Variants in VTI1A observed in about 807,000 individuals in gnomAD.
The protein encoded by VTI1A is vesicle transport through interaction with t-SNAREs homolog 1A.
In VTI1A, 22 loss-of-function variants were observed where a neutral mutation model predicts 34.9. The ratio of observed to expected loss-of-function variants is 0.63; its 90% confidence interval spans 0.45 to 0.90. VTI1A has a LOEUF of 0.90. Ranked by LOEUF, VTI1A falls within the 40% of genes least tolerant of loss-of-function variation. VTI1A has a pLI of 0.00. For missense variants in VTI1A, 268 were observed against 275.6 expected (o/e 0.97, Z 0.20); for synonymous variants, 87 against 97.3 (o/e 0.89, Z 0.62).
chr10:112,740,643 A>G (rs6585182), intron 7 of VTI1A, among the ~76,000 whole-genome samples: 22,970 of 152,238 alleles, frequency 0.15, 3,789 homozygotes, highest in African/African-American at 0.41. Context: ...CCCACCTACT[A>G]GAATGGCTAA....
At chr10:112,846,809 T>A in the VTI1A span, among the ~76,000 whole-genome samples, 1 of 150,762 alleles carries the variant, frequency 6.6e-6, no homozygotes, top group South Asian at 2.1e-4. Flanking sequence ...CCAGTGGAAC[T>A]AAGGAACTGG....
chr10:112,476,476 C>T (rs1259505396), intron 3 of VTI1A, among the ~76,000 whole-genome samples: 1 of 152,118 alleles, frequency 6.6e-6, no homozygotes, highest in Non-Finnish European at 1.5e-5. Flanking sequence ...AACGTACTTG[C>T]TAGTCACTCT....
the VTI1A span, among the ~76,000 whole-genome samples, chr10:112,842,907 A>AT: frequency 6.6e-6 from 1 of 152,160 alleles, no homozygotes; most frequent in South Asian, 2.1e-4. Flanking sequence ...AATACAGGGA[A>AT]TTGGATACTT....
At chr10:112,706,007 C>G (rs909957052) in intron 7 of VTI1A, among the ~76,000 whole-genome samples, 4 of 152,154 alleles carry the variant, frequency 2.6e-5, no homozygotes, top group Non-Finnish European at 5.9e-5. Flanking sequence ...ATTCATCAAT[C>G]TTCCATCTTT....
intron 7 of VTI1A, among the ~76,000 whole-genome samples, chr10:112,802,693 A>C (rs895729256): frequency 1.3e-5 from 2 of 152,246 alleles, no homozygotes; most frequent in Non-Finnish European, 2.9e-5. Context: ...CATGCTTTAC[A>C]GATGTTCAGA....
chr10:112,675,499 G>A (rs530165434), intron 7 of VTI1A, among the ~76,000 whole-genome samples: 6 of 152,142 alleles, frequency 3.9e-5, no homozygotes, highest in African/African-American at 1.4e-4. Flanking sequence ...GGCTGAAGGC[G>A]CTCAGCTGCA....
At chr10:112,723,225 G>A (rs1849873727) in intron 7 of VTI1A, among the ~76,000 whole-genome samples, 1 of 152,174 alleles carries the variant, frequency 6.6e-6, no homozygotes, top group African/African-American at 2.4e-5. Context: ...GTTGTTGGTA[G>A]CAGTGGTGTC....
chr10:112,716,007 T>C (rs1562187), intron 7 of VTI1A, among the ~76,000 whole-genome samples: 64,866 of 151,992 alleles, frequency 0.43, 17,291 homozygotes, highest in African/African-American at 0.76. Context: ...GCACTCGGGA[T>C]GCGCATCAGC....
chr10:112,538,373 G>C (rs1850733925), intron 5 of VTI1A, 43 bp downstream of exon 5: 5 of 1,559,082 alleles, frequency 3.2e-6, no homozygotes, highest in Admixed American at 1.7e-5. Flanking sequence ...CTTATGCACA[G>C]CAGTCTTCAC....
intron 5 of VTI1A, among the ~76,000 whole-genome samples, chr10:112,593,575 G>A (rs1214001243): frequency 1.3e-5 from 2 of 151,908 alleles, no homozygotes; most frequent in Non-Finnish European, 2.9e-5. Flanking sequence ...GAAAGTTTAG[G>A]GAAAATAGAA....
intron 5 of VTI1A, among the ~76,000 whole-genome samples, chr10:112,584,251 T>A (rs1047374349): frequency 2.0e-5 from 3 of 152,206 alleles, no homozygotes; most frequent in African/African-American, 7.2e-5. Flanking sequence ...ATCCTGCAAG[T>A]CATTGTAATT....
chr10:112,795,250 C>T (rs1852630083), intron 7 of VTI1A, among the ~76,000 whole-genome samples: 1 of 152,130 alleles, frequency 6.6e-6, no homozygotes, highest in Non-Finnish European at 1.5e-5. Flanking sequence ...GCTAACTTAA[C>T]TCTCTAAGCC....
chr10:112,749,458 T>C (rs1851025964), intron 7 of VTI1A, among the ~76,000 whole-genome samples: 1 of 152,200 alleles, frequency 6.6e-6, no homozygotes, highest in Admixed American at 6.5e-5. Context: ...CCAACAAGGG[T>C]TGAATGCTGC....
At chr10:112,648,013 G>T (rs957930081) in intron 5 of VTI1A, among the ~76,000 whole-genome samples, 3 of 152,082 alleles carry the variant, frequency 2.0e-5, no homozygotes, top group Admixed American at 1.3e-4. Flanking sequence ...CAAGCAATCC[G>T]CCCGCCTCAG....
chr10:112,584,436 C>T (rs1483662994), intron 5 of VTI1A, among the ~76,000 whole-genome samples: 1 of 152,164 alleles, frequency 6.6e-6, no homozygotes, highest in Non-Finnish European at 1.5e-5. Context: ...ATCAAGCATG[C>T]CAAGATGACT....
intron 7 of VTI1A, among the ~76,000 whole-genome samples, chr10:112,716,882 A>G (rs928710889): frequency 2.0e-5 from 3 of 152,236 alleles, no homozygotes; most frequent in Non-Finnish European, 1.5e-5. Flanking sequence ...ACTTGAGGAA[A>G]AAAGACAAGG....
At chr10:112,533,358 C>G (rs193263515) in intron 4 of VTI1A, among the ~76,000 whole-genome samples, 1 of 152,146 alleles carries the variant, frequency 6.6e-6, no homozygotes, top group Admixed American at 6.5e-5. Flanking sequence ...TCAAAAAACT[C>G]TGCATGTAGT....
chr10:112,644,732 G>A (rs1846705726), intron 5 of VTI1A, among the ~76,000 whole-genome samples: 1 of 152,090 alleles, frequency 6.6e-6, no homozygotes. Context: ...TTTAAACTGC[G>A]AAATTACTGA....
chr10:112,815,452 T>C lies in VTI1A; in HGVS notation c.*69T>C, dbSNP rs1853490617. 6 of 1,374,624 alleles carry C rather than the reference T, an allele frequency of 4.4e-6. No individual in the cohort carries two copies. In the East Asian group the frequency reaches 9.2e-5, roughly 21 times the overall value. 85.2% of individuals were successfully genotyped at this position (1,374,624 alleles called of 1,614,324 possible). The stretch of plus-strand genomic sequence containing the variant: ...GAGTAATTAAGACAAAATGGTCACA[T>C]GAATCATTCTGTTGCGCTGACAGGC... On this transcript the variant is annotated 3_prime_UTR_variant, in exon 8 of 8. Coordinates refer to ENST00000393077, the MANE Select transcript of VTI1A (RefSeq NM_145206.4).
Sources: allele counts gnomAD v4.1 joint callset (sites outside exome capture counted in the v4.1 genomes callset), GRCh38; gene constraint gnomAD v4.1.1; transcripts MANE v1.5; gene names NCBI Gene and HGNC (gene_info 2026-07-23, HGNC 2026-07-21).